ACOT11: variants seen among roughly 807,000 people sequenced by gnomAD.
The protein encoded by ACOT11 is acyl-CoA thioesterase 11.
In ACOT11, 69 loss-of-function variants were observed where a neutral mutation model predicts 77.5. That is an observed-to-expected ratio of 0.89 (90% CI 0.73 to 1.09). The LOEUF is 1.09. Among genes scored for constraint, ACOT11 ranks in the 50% least tolerant of loss-of-function variants. The probability of loss-of-function intolerance (pLI) is 0.00; values close to 1 mark genes in which losing one functional copy is unlikely to be tolerated. For missense variants in ACOT11, 766 were observed against 813.7 expected, an observed-to-expected ratio of 0.94 and a Z score of 0.71; for synonymous variants, 279 against 313.0, an observed-to-expected ratio of 0.89 and a Z score of 1.15.
At chr1:54,612,169 A>G (rs929849567), downstream of ACOT11, among the ~76,000 whole-genome samples, 4 of 151,792 alleles carry the variant, frequency 2.6e-5, no homozygotes, top group African/African-American at 9.7e-5. Flanking sequence ...GGCAGGGGTT[A>G]AAGGCACAAT....
At chr1:54,603,773 C>A in intron 10 of ACOT11, 98 bp from the exon 11 acceptor site, 1 of 1,184,912 alleles carries the variant, frequency 8.4e-7, no homozygotes, top group Non-Finnish European at 1.3e-6. Context: ...TTCTGCCGGG[C>A]TCAGCACAGG....
chr1:54,611,508 T>A, downstream of ACOT11: 3 of 1,217,206 alleles, frequency 2.5e-6, no homozygotes, highest in Non-Finnish European at 2.3e-6. Context: ...GCCTTCCCCC[T>A]TCTGATATCC....
intron 1 of ACOT11, among the ~76,000 whole-genome samples, chr1:54,577,132 T>A (rs552663327): frequency 1.1e-4 from 16 of 152,218 alleles, no homozygotes; most frequent in African/African-American, 3.6e-4. Context: ...TTAAAAAAAA[T>A]TAATTATTGA....
chr1:54,608,016 A>G lies in ACOT11; in HGVS notation c.1577A>G (p.Glu526Gly). The G allele has an allele frequency of 6.2e-7, 1 of 1,612,638 alleles. No individual in the cohort carries two copies. The highest frequency in any genetic ancestry group is 8.5e-7 in the Non-Finnish European group (1 of 1,179,720). The change falls in exon 15 of 16, where the codon GAG (glutamate) becomes GGG (glycine). Residue 526 changes from glutamate to glycine, a missense_variant. Physicochemically the swap from Glu to Gly is moderately conservative, Grantham distance 98. Transcript: ENST00000343744. Reference sequence around the variant, plus strand: ...GAGACGCCAGAGTACAGACGCGGAGAGACCCTCTGCTCAGGCTTCTGCCTC... The same window carrying G: ...GAGACGCCAGAGTACAGACGCGGAGGGACCCTCTGCTCAGGCTTCTGCCTC... ...HRETPEYRRG[E>G]TLCSGFCLWR... is the part of the protein sequence containing the mutation.
intron 1 of ACOT11, among the ~76,000 whole-genome samples, chr1:54,558,961 C>T (rs920155178): frequency 3.9e-5 from 6 of 152,170 alleles, no homozygotes; most frequent in Non-Finnish European, 7.4e-5. Context: ...GGTTCCCCTT[C>T]TTTGTATGGC....
At chr1:54,612,581 C>A (rs1336612268), downstream of ACOT11, 1 of 1,614,108 alleles carries the variant, frequency 6.2e-7, no homozygotes, top group Admixed American at 1.7e-5. Context: ...GCACTCCTCC[C>A]ACCAGCTCGT....
chr1:54,611,304 G>A (rs370947998), downstream of ACOT11, among the ~76,000 whole-genome samples: 9 of 152,224 alleles, frequency 5.9e-5, no homozygotes, highest in East Asian at 1.2e-3. Flanking sequence ...GCATGGTGGC[G>A]CAGGAGAATC....
intron 1 of ACOT11, among the ~76,000 whole-genome samples, chr1:54,552,948 C>G (rs1653122778): frequency 6.6e-6 from 1 of 151,798 alleles, no homozygotes; most frequent in Non-Finnish European, 1.5e-5. Context: ...CTGCCTCAGC[C>G]TCCCAAGTAG....
chr1:54,632,293 C>T (rs1287531907), intron 16 of ACOT11, among the ~76,000 whole-genome samples: 2 of 152,196 alleles, frequency 1.3e-5, no homozygotes, highest in Non-Finnish European at 2.9e-5. Context: ...CAATGTCTGT[C>T]CCCTGCCACA....
At chr1:54,551,158 AC>A (rs1320011193) in intron 1 of ACOT11, among the ~76,000 whole-genome samples, 11 of 151,636 alleles carry the variant, frequency 7.3e-5, no homozygotes, top group Middle Eastern at 3.4e-3. Flanking sequence ...AAGAAAAAAA[AC>A]CAGCAACAGC....
chr1:54,601,483 G>A, intron 9 of ACOT11, 70 bp downstream of exon 9: 1 of 1,569,674 alleles, frequency 6.4e-7, no homozygotes, highest in African/African-American at 1.3e-5. Context: ...GCATGGTGGA[G>A]ACTGCCAGCC....
At chr1:54,605,881 C>T (rs1644018818) in intron 13 of ACOT11, among the ~76,000 whole-genome samples, 1 of 152,144 alleles carries the variant, frequency 6.6e-6, no homozygotes, top group African/African-American at 2.4e-5. Context: ...CCCTTAAAGT[C>T]ATTTTCTGTT....
chr1:54,632,800 C>T (rs953493734), intron 16 of ACOT11, among the ~76,000 whole-genome samples: 6 of 152,184 alleles, frequency 3.9e-5, no homozygotes, highest in African/African-American at 1.4e-4. Context: ...ATTCAACCCG[C>T]TCAATTTAAC....
intron 6 of ACOT11, among the ~76,000 whole-genome samples, chr1:54,596,900 A>G (rs2100993650): frequency 6.6e-6 from 1 of 152,296 alleles, no homozygotes; most frequent in Non-Finnish European, 1.5e-5. Context: ...TGTGACAATA[A>G]TCACATTTCA....
intron 1 of ACOT11, among the ~76,000 whole-genome samples, chr1:54,578,789 T>A (rs1333660424): frequency 2.0e-5 from 3 of 152,128 alleles, no homozygotes; most frequent in Admixed American, 2.0e-4. Context: ...GAGGAATGTT[T>A]ATTTTTTTAA....
In ACOT11 at chr1:54,576,491, T is replaced by TTAA. The variant is rs1330910972; in HGVS notation, c.34-8164_34-8163insTAA. ...CCAGCCTAGGTGACAGAGCAAGATC[T>TTAA]AAAAAAAAAAAAAAAAAAAAAAGCA... is the stretch of plus-strand genomic sequence containing the variant. On this transcript the variant is annotated intron_variant, in intron 1 of 15. Coordinates refer to ENST00000343744, the MANE Select transcript of ACOT11 (RefSeq NM_147161.4). Among the ~76,000 whole-genome samples the TTAA allele has an allele frequency of 7.7e-3, 523 of 68,332 alleles. 8 individuals carry two copies. Among genetic ancestry groups the TTAA allele is most frequent in the African/African-American group, 0.023 (455 of 19,958 alleles). 44.8% of individuals were successfully genotyped at this position (68,332 alleles called of 152,430 possible). A position where few individuals can be genotyped will look rare whatever the true frequency, so the allele number is the denominator to read the frequency against.
At chr1:54,605,256 A>C (rs757002687) in intron 13 of ACOT11, 47 bp downstream of exon 13, 2 of 1,587,048 alleles carry the variant, frequency 1.3e-6, no homozygotes, top group East Asian at 2.3e-5. Context: ...CTCCGGCCTG[A>C]TGAGGGAGAG....
chr1:54,616,365 GT>G (rs1644173703), intron 15 of ACOT11, among the ~76,000 whole-genome samples: 1 of 151,472 alleles, frequency 6.6e-6, no homozygotes, highest in Admixed American at 6.6e-5. Flanking sequence ...CTATGCATAG[GT>G]TTTTGTTTTT....
At chr1:54,554,547 G>A (rs1182294793) in intron 1 of ACOT11, among the ~76,000 whole-genome samples, 1 of 151,056 alleles carries the variant, frequency 6.6e-6, no homozygotes, top group Non-Finnish European at 1.5e-5. Context: ...TGTAGAGATG[G>A]GTTCTCTCTA....
Sources: gnomAD v4.1 joint callset for allele counts (sites outside exome capture counted in the v4.1 genomes callset) on GRCh38, gnomAD v4.1.1 for gene constraint, MANE v1.5 for transcripts, NCBI Gene and HGNC (gene_info 2026-07-23, HGNC 2026-07-21) for gene names.